ZNF184: variants seen among roughly 807,000 people sequenced by gnomAD.
ZNF184 encodes the protein zinc finger protein 184 (Kruppel-like).
Under a neutral mutation model 54.4 loss-of-function variants are expected in ZNF184, and 16 were observed. That is an observed-to-expected ratio of 0.29 (90% CI 0.20 to 0.45). The LOEUF (loss-of-function observed/expected upper bound fraction) is 0.45. ZNF184 is among the 20% of genes least tolerant of loss of function. The pLI is 1.00. For synonymous variants in ZNF184, 254 were observed against 295.3 expected (o/e 0.86, Z 1.43); for missense variants, 681 against 888.2 (o/e 0.77, Z 2.97).
the ZNF184 span, among the ~76,000 whole-genome samples, chr6:27,416,695 T>A: frequency 6.3e-3 from 953 of 152,330 alleles, 13 homozygotes; most frequent in African/African-American, 0.019. Context: ...TTGCCAGTCA[T>A]TCCCAGGGTG....
rs1762732210 is a variant in ZNF184 at position 27,451,826 on chromosome 6, T to C, written c.1733A>G (p.Lys578Arg). The C allele has an allele frequency of 4.3e-6, 7 of 1,613,478 alleles. No individual in the cohort carries two copies. Among genetic ancestry groups the C allele is most frequent in the Non-Finnish European group, 5.9e-6 (7 of 1,180,004 alleles). The change falls in exon 6 of 6, where the codon AAG becomes AGG. Residue 578 changes from lysine (K) to arginine (R), a missense_variant. By Grantham distance (26) the Lys-to-Arg change is conservative. Coordinates refer to ENST00000683788, the MANE Select transcript of ZNF184 (RefSeq NM_001318891.2). ...SYGSSLIQHR[K>R]IHTGERPYKC... ...GTAAGGTCGTTCTCCAGTATGGATC[T>C]TCCTATGCTGAATAAGGGATGAACC...
the ZNF184 span, among the ~76,000 whole-genome samples, chr6:27,427,560 T>G: frequency 6.6e-6 from 1 of 152,306 alleles, no homozygotes; most frequent in South Asian, 2.1e-4. Context: ...TTCATCTGTC[T>G]CTCTCTAATC....
At chr6:27,458,834 CCAT>C (rs1762928804) in intron 3 of ZNF184, among the ~76,000 whole-genome samples, 1 of 152,100 alleles carries the variant, frequency 6.6e-6, no homozygotes, top group Non-Finnish European at 1.5e-5. Flanking sequence ...ACCTAAATGT[CCAT>C]CAACAGACGA....
intron 3 of ZNF184, among the ~76,000 whole-genome samples, chr6:27,464,212 C>T (rs1209964495): frequency 1.3e-5 from 2 of 152,158 alleles, no homozygotes; most frequent in East Asian, 1.9e-4. Flanking sequence ...GATCATTACA[C>T]AATGAGCATT....
the ZNF184 span, among the ~76,000 whole-genome samples, chr6:27,408,795 T>C: frequency 6.6e-6 from 1 of 152,232 alleles, no homozygotes. Flanking sequence ...TTCACTCTTG[T>C]TTCTAGGGTT....
At chr6:27,425,169 C>T in the ZNF184 span, among the ~76,000 whole-genome samples, 7,320 of 152,294 alleles carry the variant, frequency 0.048, 252 homozygotes, top group Non-Finnish European at 0.072. Flanking sequence ...AGCTGGCCCG[C>T]AAGCGCCGCG....
chr6:27,430,153 G>A, the ZNF184 span, among the ~76,000 whole-genome samples: 2,585 of 152,094 alleles, frequency 0.017, 44 homozygotes, highest in African/African-American at 0.045. Flanking sequence ...GTATAGGGAG[G>A]GCATCTTTCA....
chr6:27,453,085 C>G lies in ZNF184; in HGVS notation c.474G>C (p.Gln158His). The part of the protein sequence containing the change: ...GSLERQQANQ[Q>H]TLPKEIKVTE... ...TTACCTTTATTTCCTTTGGCAGTGT[C>G]TGTTGGTTTGCCTGCTGTCTCTCTA... is the stretch of plus-strand genomic sequence containing the variant. The change falls in exon 6 of 6, where the codon CAG (glutamine) becomes CAC (histidine). Residue 158 changes from glutamine to histidine, a missense_variant. Physicochemically the swap from Gln to His is conservative, Grantham distance 24. Coordinates refer to ENST00000683788, the MANE Select transcript of ZNF184 (RefSeq NM_001318891.2). The surrounding 1 kb of genome is among the most constrained non-coding windows in gnomAD (Gnocchi z 4.7). 9 of 1,614,070 alleles carry G rather than the reference C, an allele frequency of 5.6e-6. No individual in the cohort carries two copies. Among genetic ancestry groups the G allele is most frequent in the Non-Finnish European group, 7.6e-6 (9 of 1,179,998 alleles).
At chr6:27,428,908 A>G in the ZNF184 span, among the ~76,000 whole-genome samples, 5 of 152,248 alleles carry the variant, frequency 3.3e-5, no homozygotes, top group Non-Finnish European at 4.4e-5. The surrounding 1 kb of genome is among the most constrained non-coding windows in gnomAD (Gnocchi z 4.1). Flanking sequence ...CATTTAAGTC[A>G]TAAAATCTGG....
At chr6:27,423,311 G>A in the ZNF184 span, among the ~76,000 whole-genome samples, 1 of 152,028 alleles carries the variant, frequency 6.6e-6, no homozygotes, top group Non-Finnish European at 1.5e-5. Context: ...CGTTTTGCGG[G>A]GATTGTCCAA....
At chr6:27,425,124 C>T in the ZNF184 span, among the ~76,000 whole-genome samples, 1 of 152,318 alleles carries the variant, frequency 6.6e-6, no homozygotes, top group Admixed American at 6.5e-5. Context: ...GCTCCGAGCG[C>T]GGGGCCCGCC....
chr6:27,445,144 A>G, the ZNF184 span, among the ~76,000 whole-genome samples: 1 of 152,222 alleles, frequency 6.6e-6, no homozygotes, highest in South Asian at 2.1e-4. Context: ...ATCAAAAGAC[A>G]TGTATAAGAA....
the ZNF184 span, among the ~76,000 whole-genome samples, chr6:27,424,923 G>A: frequency 6.1e-4 from 93 of 152,328 alleles, no homozygotes; most frequent in Middle Eastern, 0.01. Context: ...GCCCATGGAG[G>A]GGGTGGGAGG....
At chr6:27,465,348 G>A (rs1763105550) in intron 3 of ZNF184, among the ~76,000 whole-genome samples, 2 of 151,222 alleles carry the variant, frequency 1.3e-5, no homozygotes, top group Middle Eastern at 3.4e-3. Context: ...AGCCAGGCAT[G>A]GTGGCAGGTG....
Position 27,472,423 on chromosome 6 carries a change from G to T in ZNF184, c.-129C>A. ...TTGCAGGGAATCTGCAACACGCTGAGGTTGTCTACCCTAAAAGACACAGGA... is the reference window on the plus strand; with the variant it reads ...TTGCAGGGAATCTGCAACACGCTGATGTTGTCTACCCTAAAAGACACAGGA... On this transcript the variant is annotated 5_prime_UTR_variant, in exon 2 of 6. Coordinates refer to ENST00000683788, the MANE Select transcript of ZNF184 (RefSeq NM_001318891.2). The surrounding 1 kb of genome is among the most constrained non-coding windows in gnomAD (Gnocchi z 4.8). 1 of 1,191,938 alleles carries T rather than the reference G, an allele frequency of 8.4e-7. No individual in the cohort carries two copies. The highest frequency in any genetic ancestry group is 1.2e-6 in the Non-Finnish European group (1 of 820,958). The allele number at this position is 1,191,938 out of a possible 1,614,324, so 73.8% of individuals were successfully genotyped here. A position where few individuals can be genotyped will look rare whatever the true frequency, so the allele number is the denominator to read the frequency against.
chr6:27,433,976 T>TCCTGCCTTCCTTCCTCTCCCTC, the ZNF184 span, among the ~76,000 whole-genome samples: 1 of 136,148 alleles, frequency 7.3e-6, no homozygotes, highest in African/African-American at 2.8e-5. Context: ...CTCCCTCCCT[T>TCCTGCCTTCCTTCCTCTCCCTC]CCTTCCTTCC....
intron 3 of ZNF184, among the ~76,000 whole-genome samples, chr6:27,462,779 C>T (rs575201550): frequency 5.3e-5 from 8 of 150,446 alleles, no homozygotes; most frequent in Admixed American, 4.6e-4. Context: ...GCAGGAGAAC[C>T]GCTTGAACCC....
At chr6:27,446,819 A>G (rs1365831848), downstream of ZNF184, among the ~76,000 whole-genome samples, 1 of 152,170 alleles carries the variant, frequency 6.6e-6, no homozygotes, top group Non-Finnish European at 1.5e-5. Context: ...GATGTAGGAC[A>G]AAGAGTCAAA....
the ZNF184 span, among the ~76,000 whole-genome samples, chr6:27,442,808 GAAAGAGAAAGAAAGAA>G: frequency 1.7e-3 from 82 of 49,606 alleles, 11 homozygotes; most frequent in Middle Eastern, 0.026. Context: ...GAAAGAGAAA[GAAAGAGAAAGAAAGAA>G]AGAAAGAAAG....
Sources: gnomAD v4.1 joint callset for allele counts (sites outside exome capture counted in the v4.1 genomes callset) on GRCh38, gnomAD v4.1.1 for gene constraint, Gnocchi (gnomAD v3.1) non-coding constraint, MANE v1.5 for transcripts, NCBI Gene and HGNC (gene_info 2026-07-23, HGNC 2026-07-21) for gene names.